DNAH12: variants seen among roughly 807,000 people sequenced by gnomAD.
DNAH12 encodes axonemal beta dynein heavy chain 12.
A neutral mutation model predicts 371.5 loss-of-function variants in DNAH12; 285 were observed. That is an observed-to-expected ratio of 0.77 (90% CI 0.70 to 0.85). The LOEUF (loss-of-function observed/expected upper bound fraction) is 0.85, where lower values mean the gene tolerates loss of function less well. DNAH12 is among the 40% of genes least tolerant of loss of function. The pLI, the probability that DNAH12 is intolerant of heterozygous loss-of-function variation, is 0.00. For missense variants in DNAH12, 3,611 were observed against 3,689.4 expected (o/e 0.98, Z 0.55); for synonymous variants, 1,200 against 1,213.0 (o/e 0.99, Z 0.22).
intron 40 of DNAH12, 71 bp downstream of exon 40, chr3:57,408,209 A>G (rs2064096140): frequency 1.4e-6 from 2 of 1,427,760 alleles, no homozygotes; most frequent in South Asian, 1.6e-5. Context: ...GATAGCATCA[A>G]AAAAATAAAA....
rs1178913750 is a variant in DNAH12, at chr3:57,310,883, T to C, written c.10730A>G (p.Tyr3577Cys). Residue 3577 changes from tyrosine (Y) to cysteine (C), a missense_variant, in exon 67 of 74, where the codon TAT becomes TGT. Tyr to Cys is a radical substitution (Grantham distance 194). Around this residue, in one of 3 missense-constraint regions of DNAH12, gnomAD observed 2,266 missense variants for 2,236.9 expected, o/e 1.01. Coordinates refer to ENST00000495027, the MANE Select transcript of DNAH12 (RefSeq NM_001366028.2). ...CCAATCGTCTGTCACTCTTCCTCCA[T>C]AATTACACTCCCCAGTCAGGTAAGA... is the stretch of plus-strand genomic sequence containing the variant. Reference protein sequence around the residue: ...AISYLTGECNYGGRVTDDWDR... With the variant: ...AISYLTGECNCGGRVTDDWDR... 2 of 1,551,626 alleles carry C rather than the reference T, an allele frequency of 1.3e-6. No individual in the cohort carries two copies. The highest frequency in any genetic ancestry group is 2.4e-5 in the South Asian group (2 of 84,064).
At chr3:57,442,418 T>C (rs2065337306) in intron 29 of DNAH12, among the ~76,000 whole-genome samples, 1 of 152,138 alleles carries the variant, frequency 6.6e-6, no homozygotes, top group Admixed American at 6.5e-5. Flanking sequence ...AACTATACCA[T>C]TTAAGGTGCT....
intron 49 of DNAH12, among the ~76,000 whole-genome samples, chr3:57,384,454 T>C (rs887548121): frequency 6.6e-6 from 1 of 152,018 alleles, no homozygotes. Context: ...CTGGGCAACA[T>C]AGGGTGACCC....
intron 58 of DNAH12, among the ~76,000 whole-genome samples, chr3:57,362,047 T>C (rs1390568282): frequency 6.6e-6 from 1 of 150,788 alleles, no homozygotes; most frequent in African/African-American, 2.4e-5. Context: ...CAGTGTATGA[T>C]GTTCCCCACC....
At chr3:57,421,377 T>C (rs2064574534) in intron 36 of DNAH12, 141 bp downstream of exon 36, 1 of 608,622 alleles carries the variant, frequency 1.6e-6, no homozygotes, top group African/African-American at 1.8e-5. Flanking sequence ...CAATAAGTTA[T>C]GGGAGGTGAA....
chr3:57,454,730 A>G lies in DNAH12; in HGVS notation c.3456+45T>C. On this transcript the variant is annotated intron_variant, in intron 23 of 73. Transcript: ENST00000495027. ...AAAAATAATAAAATTAAATTTTAAA[A>G]AACCTGGAATGAAGGATGTTACTTA... 3 of 1,539,936 alleles carry G rather than the reference A, an allele frequency of 1.9e-6. No homozygotes were observed. In the South Asian group the frequency reaches 3.7e-5, roughly 19 times the overall value.
At chr3:57,309,973 T>A (rs369458149) in intron 67 of DNAH12, 119 bp from the exon 68 acceptor site, 63 of 769,410 alleles carry the variant, frequency 8.2e-5, no homozygotes, top group East Asian at 7.7e-4. Flanking sequence ...TTGAAGCCAA[T>A]TAATAATTAA....
chr3:57,336,006 C>T (rs1422072872), intron 60 of DNAH12, among the ~76,000 whole-genome samples: 1 of 151,978 alleles, frequency 6.6e-6, no homozygotes, highest in African/African-American at 2.4e-5. Context: ...TAAGAGATGG[C>T]GAACTGCTCT....
In DNAH12 at chr3:57,499,217, G is replaced by A. The variant is rs539938634; in HGVS notation, c.1335+2104C>T. Among the ~76,000 whole-genome samples the A allele has an allele frequency of 2.4e-4, 37 of 152,168 alleles. No homozygotes were observed. The South Asian group carries it at 7.1e-3, about 29-fold the overall frequency. On this transcript the variant is annotated intron_variant, in intron 11 of 73. Transcript: ENST00000495027. The stretch of plus-strand genomic sequence containing the variant: ...AGCAGTTTCCTGAGGTCAGAGTTGG[G>A]GAGAATTGACCAGGATGGGGTATAA...
At chr3:57,543,477 C>T (rs879761964) in intron 1 of DNAH12, among the ~76,000 whole-genome samples, 1 of 151,318 alleles carries the variant, frequency 6.6e-6, no homozygotes, top group African/African-American at 2.4e-5. Context: ...TGCGCAACCA[C>T]GCCCAGCTAC....
rs2065947183 is a variant in DNAH12, at chr3:57,457,918, A to T, written c.3139T>A (p.Cys1047Ser). 1 of 1,551,656 alleles carries T rather than the reference A, an allele frequency of 6.4e-7. No homozygotes were observed. Among genetic ancestry groups the T allele is most frequent in the African/African-American group, 1.4e-5 (1 of 73,160 alleles). ...PLRVQPHLKK[C>S]FEGIAKLEFL... Reference sequence around the variant, plus strand: ...TCTAATTTAGCAATGCCCTCAAAGCATTTTTTTAAATGTGGCTGAACTCTA... The same window carrying T: ...TCTAATTTAGCAATGCCCTCAAAGCTTTTTTTTAAATGTGGCTGAACTCTA... The change falls in exon 22 of 74, where the codon TGC (cysteine) becomes AGC (serine). Residue 1047 changes from cysteine (C) to serine (S), a missense_variant. Transcript: ENST00000495027.
Position 57,366,782 on chromosome 3 carries a change from TATC to T in DNAH12, c.9111_9113del (p.Met3037del), listed in dbSNP as rs2063060485. On this transcript the variant is annotated inframe_deletion, in exon 57 of 74. Coordinates refer to ENST00000495027, the MANE Select transcript of DNAH12 (RefSeq NM_001366028.2). ...ATTGATCTTCAAGTCCTTCTGGAGT[TATC>T]ATGAAATTGAGCAAAGACACTTTTG... The T allele has an allele frequency of 6.6e-6, 1 of 152,238 alleles. No individual in the cohort carries two copies. The highest frequency in any genetic ancestry group is 1.5e-5 in the Non-Finnish European group (1 of 68,048). The allele number at this position is 152,238 out of a possible 1,614,324, so 9.4% of individuals were successfully genotyped here.
At chr3:57,476,853 A>T (rs2066545072) in intron 13 of DNAH12, among the ~76,000 whole-genome samples, 1 of 152,194 alleles carries the variant, frequency 6.6e-6, no homozygotes, top group Admixed American at 6.5e-5. Context: ...TAAATGCAGA[A>T]ACTATAAAAG....
At position 57,480,671 on chromosome 3, in the gene DNAH12, T is replaced by A. The variant is rs1339557057; in HGVS notation, c.1650+2705A>T. 6.6e-5 allele frequency among the ~76,000 whole-genome samples: 10 copies of A among 152,192 alleles called. No individual in the cohort carries two copies. In the East Asian group the frequency reaches 1.9e-3, roughly 29 times the overall value. ...TGAACGTCGATGCAAAAATCCTCAC[T>A]AAAATACTGGCAAACTGAATCCAGC... On this transcript the variant is annotated intron_variant, in intron 13 of 73. Transcript: ENST00000495027.
intron 60 of DNAH12, among the ~76,000 whole-genome samples, chr3:57,343,129 C>T (rs1462366525): frequency 2.0e-5 from 3 of 151,760 alleles, no homozygotes; most frequent in African/African-American, 4.8e-5. Flanking sequence ...GGACAACACA[C>T]AAATGGCCAA....
At chr3:57,361,396 C>T (rs1023452418) in intron 58 of DNAH12, among the ~76,000 whole-genome samples, 4 of 145,554 alleles carry the variant, frequency 2.7e-5, no homozygotes, top group Admixed American at 6.9e-5. Context: ...TATATACATA[C>T]GCACTATATA....
intron 55 of DNAH12, among the ~76,000 whole-genome samples, chr3:57,372,409 G>C (rs1423030543): frequency 6.6e-6 from 1 of 151,836 alleles, no homozygotes; most frequent in Non-Finnish European, 1.5e-5. Flanking sequence ...AAGAAATTAA[G>C]AGTTCCCAAA....
Position 57,334,447 on chromosome 3 carries a change from A to T in DNAH12, c.9978+18T>A. 6.5e-7 allele frequency: 1 copy of T among 1,536,748 alleles called. No homozygotes were observed. The highest frequency in any genetic ancestry group is 8.7e-7 in the Non-Finnish European group (1 of 1,143,420). On this transcript the variant is annotated intron_variant, in intron 62 of 73. Coordinates refer to ENST00000495027, the MANE Select transcript of DNAH12 (RefSeq NM_001366028.2). ...GGCAAATTATCTGGGTTCCAAATAG[A>T]ACACATTGGTCTTTTACCTTATCAG...
At chr3:57,324,534 T>C (rs1481656584) in intron 62 of DNAH12, among the ~76,000 whole-genome samples, 1 of 152,078 alleles carries the variant, frequency 6.6e-6, no homozygotes, top group African/African-American at 2.4e-5. Context: ...CACAATGTGG[T>C]GGGCCTCATA....
Sources: gnomAD v4.1 joint callset for allele counts (sites outside exome capture counted in the v4.1 genomes callset) on GRCh38, gnomAD v4.1.1 for gene constraint, gnomAD v4.1.1 regional missense constraint, MANE v1.5 for transcripts, NCBI Gene and HGNC (gene_info 2026-07-23, HGNC 2026-07-21) for gene names.